Variants in AARSD1 observed in about 807,000 individuals in gnomAD.
AARSD1 encodes alanyl-tRNA editing protein Aarsd1.
Under a neutral mutation model 48.7 loss-of-function variants are expected in AARSD1, and 44 were observed. The observed-to-expected ratio is 0.90, with a 90% CI of 0.71 to 1.16. The LOEUF (loss-of-function observed/expected upper bound fraction) is 1.16. Ranked by LOEUF, AARSD1 falls within the 50% of genes most tolerant of loss-of-function variation. The probability of loss-of-function intolerance (pLI) is 0.00; values close to 1 mark genes in which losing one functional copy is unlikely to be tolerated. For synonymous variants in AARSD1, 189 were observed against 194.9 expected (o/e 0.97, Z 0.25); for missense variants, 511 against 523.1 (o/e 0.98, Z 0.23).
In AARSD1 at chr17:42,961,586, C is replaced by T. The variant is rs981472894; in HGVS notation, c.172-235G>A. ...AACAGAATTAAAGAGATTGTAACTACAGCAACAAAAATTTTAGTAAAACCC... is the reference window on the plus strand; with the variant it reads ...AACAGAATTAAAGAGATTGTAACTATAGCAACAAAAATTTTAGTAAAACCC... On this transcript the variant is annotated intron_variant, in intron 2 of 11. Coordinates refer to ENST00000427569, the MANE Select transcript of AARSD1 (RefSeq NM_001261434.2). 1.1e-4 allele frequency among the ~76,000 whole-genome samples: 17 copies of T among 152,336 alleles called. 1 individual carries two copies. In the South Asian group the frequency reaches 3.3e-3, roughly 30 times the overall value.
Position 42,957,119 on chromosome 17 carries a change from T to G in AARSD1, c.389+19A>C. Reference sequence around the variant, plus strand: ...CTGGGATGGGCCTGCCTACAGTTAGTCTTATGCCTCCCACTCACCATGATG... The same window carrying G: ...CTGGGATGGGCCTGCCTACAGTTAGGCTTATGCCTCCCACTCACCATGATG... On this transcript the variant is annotated intron_variant, in intron 4 of 11. Transcript: ENST00000427569. 6.2e-7 allele frequency: 1 copy of G among 1,612,906 alleles called. No homozygotes were observed. Among genetic ancestry groups the G allele is most frequent in the Non-Finnish European group, 8.5e-7 (1 of 1,179,426 alleles).
intron 2 of AARSD1, among the ~76,000 whole-genome samples, chr17:42,962,758 G>T (rs1459201610): frequency 6.6e-6 from 1 of 152,280 alleles, no homozygotes; most frequent in East Asian, 1.9e-4. Context: ...GGAGGCCAGG[G>T]CAGTGGCTCA....
chr17:42,952,418 G>T (rs928551900), intron 10 of AARSD1, among the ~76,000 whole-genome samples: 1 of 152,144 alleles, frequency 6.6e-6, no homozygotes, highest in Non-Finnish European at 1.5e-5. Flanking sequence ...AGCTTCTTGA[G>T]AATCAGTTCT....
chr17:42,954,432 C>CTT (rs200812055), intron 9 of AARSD1, among the ~76,000 whole-genome samples: 16 of 147,806 alleles, frequency 1.1e-4, no homozygotes, highest in South Asian at 4.3e-4. Flanking sequence ...TAACATATTT[C>CTT]TTTTTTTTTT....
rs1464968401 is a variant in AARSD1 at position 42,964,086 on chromosome 17, G to A, written c.171+20C>T. ...GCACAAAGAAACTGGGGGCTTCCTGGGAAGAGATCGTTTTGGTACCTGTCC... is the reference window on the plus strand; with the variant it reads ...GCACAAAGAAACTGGGGGCTTCCTGAGAAGAGATCGTTTTGGTACCTGTCC... On this transcript the variant is annotated intron_variant, in intron 2 of 11. Transcript: ENST00000427569. 3 of 1,613,904 alleles carry A rather than the reference G, an allele frequency of 1.9e-6. No homozygotes were observed. The highest frequency in any genetic ancestry group is 4.5e-5 in the East Asian group (2 of 44,876).
chr17:42,964,187 C>T lies in AARSD1; in HGVS notation c.90G>A (p.Gly30=), dbSNP rs1277559618. 3.7e-6 allele frequency: 6 copies of T among 1,614,224 alleles called. No homozygotes were observed. Among genetic ancestry groups the T allele is most frequent in the Admixed American group, 3.3e-5 (2 of 60,022 alleles). The part of the protein sequence containing the change: ...SCCPAELQTE[G]SNGKKEVLSG... ...TCAGCACTTCTTTCTTGCCGTTGCT[C>T]CCTTCAGTCTGCAGCTCCGCGGGAC... Residue 30 remains glycine, a synonymous_variant, in exon 2 of 12, where the codon GGG becomes GGA. Transcript: ENST00000427569.
intron 11 of AARSD1, among the ~76,000 whole-genome samples, chr17:42,951,532 A>G (rs1375624382): frequency 1.3e-5 from 2 of 152,218 alleles, no homozygotes; most frequent in African/African-American, 4.8e-5. Flanking sequence ...GCTGGGCAAC[A>G]GACTAAGACT....
Position 42,954,984 on chromosome 17 carries a change from A to G in AARSD1, c.862-17T>C, listed in dbSNP as rs2049527340. 3.7e-6 allele frequency: 6 copies of G among 1,613,976 alleles called. No individual in the cohort carries two copies. The highest frequency in any genetic ancestry group is 5.1e-6 in the Non-Finnish European group (6 of 1,179,972). On this transcript the variant is annotated splice_polypyrimidine_tract_variant and intron_variant, in intron 8 of 11. Coordinates refer to ENST00000427569, the MANE Select transcript of AARSD1 (RefSeq NM_001261434.2). ...CAGGTTATTCTGAAATGGATATGGT[A>G]ACTCAGTAGATAAATGGAAAGGATA...
At chr17:42,952,699 CAA>C (rs2049495257) in intron 10 of AARSD1, among the ~76,000 whole-genome samples, 1 of 151,710 alleles carries the variant, frequency 6.6e-6, no homozygotes, top group African/African-American at 2.4e-5. Flanking sequence ...AACAAACAAA[CAA>C]AAGACCTGGA....
Position 42,953,790 on chromosome 17 carries a change from G to C in AARSD1, c.954-12C>G. ...AATCACCCTCCTTCCTACAACAAAG[G>C]ACACAGACATGAGACCCAGGTTGGA... On this transcript the variant is annotated splice_polypyrimidine_tract_variant and intron_variant, in intron 9 of 11. Coordinates refer to ENST00000427569, the MANE Select transcript of AARSD1 (RefSeq NM_001261434.2). 2 of 1,613,822 alleles carry C rather than the reference G, an allele frequency of 1.2e-6. No homozygotes were observed. Among genetic ancestry groups the C allele is most frequent in the Non-Finnish European group, 1.7e-6 (2 of 1,180,006 alleles).
rs777358960 is a variant in AARSD1, at chr17:42,951,847, G to C, written c.1056C>G (p.Leu352=). 3 of 1,614,170 alleles carry C rather than the reference G, an allele frequency of 1.9e-6. No individual in the cohort carries two copies. The highest frequency in any genetic ancestry group is 2.2e-5 in the South Asian group (2 of 91,084). Residue 352 remains leucine (L), a synonymous_variant, in exon 11 of 12, where the codon CTC becomes CTG. Transcript: ENST00000427569. ...LTVGDEKGGG[L]FLLAGPPASV... ...ACGCAGGTGGCCCTGCCAGTAAGAA[G>C]AGTCCACCACCTTTCTCATCGCCCA...
Position 42,951,884 on chromosome 17 carries a change from A to C in AARSD1, c.1019T>G (p.Leu340Arg). 5.0e-6 allele frequency: 8 copies of C among 1,613,982 alleles called. No homozygotes were observed. Among genetic ancestry groups the C allele is most frequent in the Non-Finnish European group, 6.8e-6 (8 of 1,179,864 alleles). Reference sequence around the variant, plus strand: ...TTTCTCATCGCCCACAGTTAAGAACAGGAGGGTCTCCTAGGAGGTAAGACA... The same window carrying C: ...TTTCTCATCGCCCACAGTTAAGAACCGGAGGGTCTCCTAGGAGGTAAGACA... The part of the protein sequence containing the change: ...ANEIGSEETL[L>R]FLTVGDEKGG... The change falls in exon 11 of 12, where the codon CTG (leucine) becomes CGG (arginine). Residue 340 changes from leucine (L) to arginine (R), a missense_variant. Transcript: ENST00000427569.
At chr17:42,953,995 T>A in intron 9 of AARSD1, 1 of 588,154 alleles carries the variant, frequency 1.7e-6, no homozygotes, top group Non-Finnish European at 3.0e-6. Flanking sequence ...CCATCTCCCT[T>A]AAATAGGATT....
chr17:42,959,196 CA>C (rs1196945159), intron 3 of AARSD1, among the ~76,000 whole-genome samples: 856 of 59,978 alleles, frequency 0.014, 1 homozygote, highest in Non-Finnish European at 0.016. Context: ...GACTTTGTCT[CA>C]AAAAAAAAAA....
At chr17:42,961,028 C>T in intron 3 of AARSD1, 164 bp downstream of exon 3, 1 of 1,164,426 alleles carries the variant, frequency 8.6e-7, no homozygotes, top group Non-Finnish European at 1.2e-6. Context: ...GTTCATGTTG[C>T]TGTTATAACA....
In AARSD1 at chr17:42,950,602, A is replaced by AAG; in HGVS notation, c.1229_1230insCT (p.Lys411LeufsTer22). 1 of 1,613,734 alleles carries AAG rather than the reference A, an allele frequency of 6.2e-7. No individual in the cohort carries two copies. The highest frequency in any genetic ancestry group is 1.1e-5 in the South Asian group (1 of 91,002). On this transcript the variant is annotated frameshift_variant, in exon 12 of 12. Coordinates refer to ENST00000427569, the MANE Select transcript of AARSD1 (RefSeq NM_001261434.2). LOFTEE classifies it high-confidence loss of function. ...TGAGTGCCCTAAGCCCTCACTCCTT[A>AAG]GCACTCTGCGTGCTGATGTAGTCCT... is the stretch of plus-strand genomic sequence containing the variant.
chr17:42,959,669 CTT>C (rs1258222034), intron 3 of AARSD1, among the ~76,000 whole-genome samples: 8 of 141,086 alleles, frequency 5.7e-5, no homozygotes, highest in African/African-American at 2.6e-5. Context: ...TTTCTCTTTT[CTT>C]TTTTTTTTTT....
chr17:42,958,061 G>A (rs1404838987), intron 3 of AARSD1, among the ~76,000 whole-genome samples: 2 of 152,146 alleles, frequency 1.3e-5, no homozygotes, highest in Non-Finnish European at 2.9e-5. Flanking sequence ...AAGAGGTCAA[G>A]GGACACCAGA....
At chr17:42,956,660 CTTTTTTTT>C (rs36171174) in intron 4 of AARSD1, 100 bp from the exon 5 acceptor site, 47 of 206,422 alleles carry the variant, frequency 2.3e-4, no homozygotes, top group African/African-American at 1.0e-3. Context: ...CCTCTCACCA[CTTTTTTTT>C]TTTTTTTTTT....
Sources: gnomAD v4.1 joint callset for allele counts (sites outside exome capture counted in the v4.1 genomes callset) on GRCh38, gnomAD v4.1.1 for gene constraint, MANE v1.5 for transcripts, NCBI Gene and HGNC (gene_info 2026-07-23, HGNC 2026-07-21) for gene names.